Variants in NSUN6 observed in about 807,000 individuals in gnomAD.
The protein encoded by NSUN6 is tRNA (cytosine(72)-C(5))-methyltransferase NSUN6.
Under a neutral mutation model 58.0 loss-of-function variants are expected in NSUN6, and 64 were observed. The ratio of observed to expected loss-of-function variants is 1.10; its 90% CI spans 0.90 to 1.36. The LOEUF (loss-of-function observed/expected upper bound fraction) is 1.36. NSUN6 is among the 40% of genes most tolerant of loss of function. The probability of loss-of-function intolerance (pLI) is 0.00; values close to 1 mark genes in which losing one functional copy is unlikely to be tolerated. For missense variants in NSUN6, 701 were observed against 550.1 expected (o/e 1.27, Z -2.74); for synonymous variants, 231 against 193.9 (o/e 1.19, Z -1.59).
intron 6 of NSUN6, 35 bp downstream of exon 6, chr10:18,609,810 A>G (rs1311363911): frequency 4.6e-6 from 5 of 1,096,472 alleles, no homozygotes; most frequent in South Asian, 2.6e-5. Flanking sequence ...GTATGTTTCA[A>G]TGTCACTAAA....
chr10:18,597,719 T>C (rs188734199), intron 6 of NSUN6, among the ~76,000 whole-genome samples: 26 of 152,214 alleles, frequency 1.7e-4, no homozygotes, highest in African/African-American at 5.1e-4. Context: ...TGAGCAGAGA[T>C]AGCGTCAATG....
intron 8 of NSUN6, among the ~76,000 whole-genome samples, chr10:18,582,937 G>A (rs2056968961): frequency 6.6e-6 from 1 of 152,098 alleles, no homozygotes; most frequent in African/African-American, 2.4e-5. Context: ...CATTCAAGTT[G>A]TTACGATGTA....
intron 9 of NSUN6, among the ~76,000 whole-genome samples, 185 bp from the exon 10 acceptor site, chr10:18,548,422 T>C (rs1041155172): frequency 1.3e-5 from 2 of 152,214 alleles, no homozygotes; most frequent in South Asian, 2.1e-4. Context: ...ACTAGGTGCA[T>C]TTCATTATCT....
intron 2 of NSUN6, among the ~76,000 whole-genome samples, chr10:18,645,545 T>G (rs1590193017): frequency 1.3e-5 from 2 of 152,244 alleles, no homozygotes; most frequent in South Asian, 4.1e-4. Flanking sequence ...TACTGTAGCA[T>G]GTATCAGTTC....
intron 8 of NSUN6, among the ~76,000 whole-genome samples, chr10:18,567,652 A>T (rs2056061322): frequency 7.0e-6 from 1 of 143,422 alleles, no homozygotes; most frequent in Non-Finnish European, 1.5e-5. Flanking sequence ...ATTCCATTCC[A>T]TTCCTCATTG....
At chr10:18,570,501 CCTCCTTTCCATTCCATT>C (rs2130967534) in intron 8 of NSUN6, among the ~76,000 whole-genome samples, 1 of 142,832 alleles carries the variant, frequency 7.0e-6, no homozygotes, top group Non-Finnish European at 1.5e-5. Context: ...TCCATTCCAT[CCTCCTTTCCATTCCATT>C]CTCCATTCCA....
Position 18,651,339 on chromosome 10 carries a change from A to G in NSUN6, c.-136T>C. The stretch of plus-strand genomic sequence containing the variant: ...AAAATCTTGCCGATCACGCTGAGTT[A>G]ATTTCGGAAATGCAGAGGTACACGC... On this transcript the variant is annotated 5_prime_UTR_variant, in exon 1 of 11. It removes the in-frame stop codon of an upstream open reading frame in the 5' UTR. Coordinates refer to ENST00000377304, the MANE Select transcript of NSUN6 (RefSeq NM_182543.5). 1 of 1,393,094 alleles carries G rather than the reference A, an allele frequency of 7.2e-7. No homozygotes were observed. Among genetic ancestry groups the G allele is most frequent in the Non-Finnish European group, 9.3e-7 (1 of 1,079,710 alleles). 86.3% of individuals were successfully genotyped at this position (1,393,094 alleles called of 1,614,324 possible).
At chr10:18,564,918 T>C (rs1012527582) in intron 8 of NSUN6, among the ~76,000 whole-genome samples, 1 of 150,782 alleles carries the variant, frequency 6.6e-6, no homozygotes, top group Non-Finnish European at 1.5e-5. Context: ...TTCATTCCAT[T>C]CCATTCTCCA....
At chr10:18,554,395 G>A (rs2054830897) in intron 8 of NSUN6, among the ~76,000 whole-genome samples, 1 of 151,154 alleles carries the variant, frequency 6.6e-6, no homozygotes, top group African/African-American at 2.4e-5. Context: ...AGAATGGAAT[G>A]AAATGGAGAA....
intron 3 of NSUN6, among the ~76,000 whole-genome samples, chr10:18,622,408 A>G (rs2058641871): frequency 6.6e-6 from 1 of 152,160 alleles, no homozygotes; most frequent in Non-Finnish European, 1.5e-5. Context: ...ATGAGTGACA[A>G]GGCAACTACA....
chr10:18,603,757 G>A (rs546036247), intron 6 of NSUN6, among the ~76,000 whole-genome samples: 52 of 152,216 alleles, frequency 3.4e-4, no homozygotes, highest in Admixed American at 2.7e-3. Flanking sequence ...GATTACAGGC[G>A]TGAGCCACCG....
intron 8 of NSUN6, among the ~76,000 whole-genome samples, chr10:18,561,770 G>A (rs1176848069): frequency 6.7e-6 from 1 of 148,940 alleles, no homozygotes; most frequent in Non-Finnish European, 1.5e-5. Context: ...ATATGGAATA[G>A]AATGGAGAAC....
At chr10:18,562,781 A>ATGGAG (rs2055625675) in intron 8 of NSUN6, among the ~76,000 whole-genome samples, 2 of 32,922 alleles carry the variant, frequency 6.1e-5, no homozygotes, top group East Asian at 6.2e-3. Context: ...GGAATGGATA[A>ATGGAG]TGGAATGGAA....
chr10:18,650,942 C>A (rs1279471069), intron 1 of NSUN6, among the ~76,000 whole-genome samples, 187 bp downstream of exon 1: 1 of 152,140 alleles, frequency 6.6e-6, no homozygotes, highest in Non-Finnish European at 1.5e-5. Context: ...AAACATATAC[C>A]TTATTCACTT....
At chr10:18,611,788 A>G (rs2058248440) in intron 5 of NSUN6, among the ~76,000 whole-genome samples, 1 of 151,852 alleles carries the variant, frequency 6.6e-6, no homozygotes, top group Non-Finnish European at 1.5e-5. Context: ...CCAGACTGGC[A>G]TCAAACACCT....
At chr10:18,550,577 T>A (rs2133395118) in intron 9 of NSUN6, among the ~76,000 whole-genome samples, 1 of 152,278 alleles carries the variant, frequency 6.6e-6, no homozygotes, top group East Asian at 1.9e-4. Flanking sequence ...AAATGTTCTA[T>A]CTGGGCTTCT....
rs1440184919 is a variant in NSUN6, at chr10:18,600,961, C to CACACAT, written c.658-4635_658-4634insATGTGT. 1.1e-3 allele frequency among the ~76,000 whole-genome samples: 54 copies of CACACAT among 47,790 alleles called. 1 individual carries two copies. The highest frequency in any genetic ancestry group is 2.0e-3 in the Non-Finnish European group (49 of 24,260). The allele number at this position is 47,790 out of a possible 152,430, so 31.4% of individuals were successfully genotyped here. ...AAAAAAATATATATATATATATATA[C>CACACAT]ATATATATATATATATGTATATATA... On this transcript the variant is annotated intron_variant, in intron 6 of 10. Coordinates refer to ENST00000377304, the MANE Select transcript of NSUN6 (RefSeq NM_182543.5).
intron 8 of NSUN6, 35 bp downstream of exon 8, chr10:18,585,914 T>C: frequency 6.7e-7 from 1 of 1,498,216 alleles, no homozygotes; most frequent in South Asian, 1.2e-5. Context: ...ATATATGATC[T>C]GTCAATTAAA....
chr10:18,618,086 T>C (rs938001761), intron 3 of NSUN6, among the ~76,000 whole-genome samples: 2 of 152,248 alleles, frequency 1.3e-5, no homozygotes, highest in African/African-American at 4.8e-5. Context: ...TTGATTGATT[T>C]AGGAATCAAG....
Sources: allele counts gnomAD v4.1 joint callset (sites outside exome capture counted in the v4.1 genomes callset), GRCh38; gene constraint gnomAD v4.1.1; transcripts MANE v1.5; gene names NCBI Gene and HGNC (gene_info 2026-07-23, HGNC 2026-07-21).